The following DNAJB1 variants were observed in gnomAD, a reference collection of about 807,000 sequenced individuals.
DNAJB1 encodes the protein DnaJ heat shock protein family (Hsp40) member B1.
In DNAJB1, 14 loss-of-function variants were observed where a neutral mutation model predicts 24.0. The ratio of observed to expected loss-of-function variants is 0.58; its 90% confidence interval spans 0.39 to 0.91. The LOEUF (loss-of-function observed/expected upper bound fraction) is 0.91, where lower values mean the gene tolerates loss of function less well. Ranked by LOEUF, DNAJB1 falls within the 40% of genes least tolerant of loss-of-function variation. The probability of loss-of-function intolerance (pLI) is 0.00; values close to 1 mark genes in which losing one functional copy is unlikely to be tolerated. For synonymous variants in DNAJB1, 262 were observed against 174.4 expected, an observed-to-expected ratio of 1.50 and a Z score of -3.96; for missense variants, 517 against 458.1, an observed-to-expected ratio of 1.13 and a Z score of -1.17.
In DNAJB1 at chr19:14,516,499, A is replaced by G; in HGVS notation, c.759T>C (p.Asp253=). The change falls in exon 2 of 3, where the codon GAT becomes GAC. Residue 253 remains aspartate (D), a synonymous_variant. Coordinates refer to ENST00000254322, the MANE Select transcript of DNAJB1 (RefSeq NM_006145.3). ...PHNIFKRDGS[D]VIYPARISLR... ...GGCTGATCCTGGCAGGATAAATGAC[A>G]TCAGAGCCATCTCTCTTAAAGATAT... 6.2e-7 allele frequency: 1 copy of G among 1,614,060 alleles called. No homozygotes were observed.
upstream of DNAJB1, among the ~76,000 whole-genome samples, chr19:14,533,514 G>T (rs1191766112): frequency 6.6e-6 from 1 of 152,142 alleles, no homozygotes; most frequent in East Asian, 1.9e-4. Flanking sequence ...TTGGCCCCTG[G>T]AGAGACCTTG....
At chr19:14,553,960 C>T (rs548978488), upstream of DNAJB1, among the ~76,000 whole-genome samples, 27 of 152,284 alleles carry the variant, frequency 1.8e-4, 1 homozygote, top group Admixed American at 9.1e-4. Context: ...GCCCCAGACT[C>T]GGGAGATGCT....
intron 1 of DNAJB1, 140 bp from the exon 2 acceptor site, chr19:14,517,186 T>A: frequency 1.3e-6 from 1 of 786,930 alleles, no homozygotes; most frequent in Non-Finnish European, 2.0e-6. Context: ...GAACCCCAAG[T>A]TTCTACCTCT....
intron 1 of DNAJB1, among the ~76,000 whole-genome samples, chr19:14,544,814 G>A (rs894097058): frequency 2.6e-4 from 40 of 152,052 alleles, no homozygotes; most frequent in African/African-American, 8.0e-4. Flanking sequence ...AAAATTTTCT[G>A]TAGAGATGGG....
intron 1 of DNAJB1, among the ~76,000 whole-genome samples, chr19:14,549,977 GC>G (rs1000893626): frequency 1.1e-4 from 16 of 151,718 alleles, no homozygotes; most frequent in African/African-American, 3.4e-4. Context: ...CTATACACCT[GC>G]CCCCTTCAAC....
chr19:14,529,797 G>T (rs771584929), upstream of DNAJB1: 13 of 1,593,174 alleles, frequency 8.2e-6, no homozygotes, highest in Admixed American at 8.5e-5. Flanking sequence ...CCACTTTCTG[G>T]TCCTGTGCCC....
At position 14,538,976 on chromosome 19, in the gene DNAJB1, A is replaced by AT. The variant is rs869186799; in HGVS notation, c.-213-11167dup. Among the ~76,000 whole-genome samples, 455 of 132,904 alleles carry AT rather than the reference A, an allele frequency of 3.4e-3. 1 individual carries two copies. Among genetic ancestry groups the AT allele is most frequent in the South Asian group, 0.013 (55 of 4,180 alleles). 87.2% of individuals were successfully genotyped at this position (132,904 alleles called of 152,430 possible). On this transcript the variant is annotated intron_variant, in intron 1 of 3. Coordinates refer to the DNAJB1 transcript ENST00000676982. ...TAATGTCACACACCATGCAAGTCAC[A>AT]TTTTTTTTTTTTTTTGAGACAGAGT...
upstream of DNAJB1, among the ~76,000 whole-genome samples, chr19:14,522,685 C>CACACAG (rs57282052): frequency 0.2 from 9,854 of 48,808 alleles, 601 homozygotes; most frequent in African/African-American, 0.29. Flanking sequence ...CACACACAGA[C>CACACAG]ACACACACAC....
upstream of DNAJB1, among the ~76,000 whole-genome samples, chr19:14,520,940 C>T (rs916824069): frequency 6.6e-6 from 1 of 152,114 alleles, no homozygotes; most frequent in Non-Finnish European, 1.5e-5. Context: ...CTGCAGTCAG[C>T]TATGATTGTG....
chr19:14,544,032 C>T (rs749457863), intron 1 of DNAJB1, among the ~76,000 whole-genome samples: 7 of 152,214 alleles, frequency 4.6e-5, no homozygotes, highest in South Asian at 4.1e-4. Context: ...GCCAACGTGC[C>T]GGGCCTGGAG....
intron 1 of DNAJB1, among the ~76,000 whole-genome samples, chr19:14,555,438 CTTTTTTTTTTT>C (rs747503834): frequency 0.013 from 1,204 of 92,870 alleles, 11 homozygotes; most frequent in Middle Eastern, 0.025. Flanking sequence ...TTTATTTATT[CTTTTTTTTTTT>C]TTTTTTTTTT....
upstream of DNAJB1, chr19:14,529,813 G>T: frequency 2.6e-6 from 4 of 1,559,782 alleles, no homozygotes; most frequent in South Asian, 4.5e-5. Context: ...TGCCCCGAAG[G>T]AAGAGCCAGA....
At chr19:14,553,252 G>T (rs2146607460), upstream of DNAJB1, among the ~76,000 whole-genome samples, 1 of 152,280 alleles carries the variant, frequency 6.6e-6, no homozygotes, top group African/African-American at 2.4e-5. Context: ...GGCTACCGCT[G>T]CCTCTGCACC....
chr19:14,537,225 G>T (rs1164706587), intron 1 of DNAJB1, among the ~76,000 whole-genome samples: 1 of 133,132 alleles, frequency 7.5e-6, no homozygotes, highest in African/African-American at 2.9e-5. Flanking sequence ...GGAGGAGGCG[G>T]GGCAAGAAGG....
chr19:14,536,050 C>G (rs2072886183), intron 1 of DNAJB1, among the ~76,000 whole-genome samples: 1 of 152,044 alleles, frequency 6.6e-6, no homozygotes, highest in African/African-American at 2.4e-5. Context: ...TCTGGTTTAA[C>G]TTCTGTAAAG....
intron 2 of DNAJB1, among the ~76,000 whole-genome samples, chr19:14,526,394 G>C (rs1389382062): frequency 4.6e-5 from 7 of 152,134 alleles, no homozygotes; most frequent in Non-Finnish European, 1.5e-5. Context: ...CATTCCAAGG[G>C]TGGGTTTCAT....
intron 1 of DNAJB1, among the ~76,000 whole-genome samples, chr19:14,535,948 A>T (rs1222569616): frequency 1.3e-5 from 2 of 152,002 alleles, no homozygotes; most frequent in Admixed American, 1.3e-4. Flanking sequence ...CTCCTGGTGG[A>T]GTCCCTTCTG....
At chr19:14,518,424 T>C, upstream of DNAJB1, 1 of 1,225,268 alleles carries the variant, frequency 8.2e-7, no homozygotes, top group South Asian at 2.0e-5. Flanking sequence ...GGACTCTATA[T>C]ACCCGTCCGG....
exon 1 of DNAJB1, among the ~76,000 whole-genome samples, chr19:14,550,336 C>T (rs1485241021): frequency 6.6e-6 from 1 of 152,132 alleles, no homozygotes; most frequent in Non-Finnish European, 1.5e-5. Flanking sequence ...CCACGTAGAT[C>T]CCAGTCTAGG....
Sources: gnomAD v4.1 joint callset for allele counts (sites outside exome capture counted in the v4.1 genomes callset) on GRCh38, gnomAD v4.1.1 for gene constraint, MANE v1.5 for transcripts, NCBI Gene and HGNC (gene_info 2026-07-23, HGNC 2026-07-21) for gene names.